USP42: variants seen among roughly 807,000 people sequenced by gnomAD.
USP42 encodes ubiquitin carboxyl-terminal hydrolase 42.
Under a neutral mutation model 113.0 loss-of-function variants are expected in USP42, and 23 were observed. That is an observed-to-expected ratio of 0.20 (90% CI 0.15 to 0.29). USP42 has a LOEUF of 0.29. USP42 is among the 10% of genes least tolerant of loss of function. The pLI is 1.00. For synonymous variants in USP42, 933 were observed against 699.0 expected, an observed-to-expected ratio of 1.33 and a Z score of -5.28; for missense variants, 2,174 against 1,779.8, an observed-to-expected ratio of 1.22 and a Z score of -3.99.
chr7:6,099,352 C>A, the USP42 span, among the ~76,000 whole-genome samples: 1 of 147,598 alleles, frequency 6.8e-6, no homozygotes, highest in African/African-American at 2.5e-5. Flanking sequence ...GTAGCTGGGA[C>A]TACAGGCACC....
chr7:6,087,517 T>G, the USP42 span, among the ~76,000 whole-genome samples: 1 of 150,128 alleles, frequency 6.7e-6, no homozygotes, highest in Non-Finnish European at 1.5e-5. Context: ...TAAAATTTTT[T>G]GTAGAGATGG....
Position 6,152,032 on chromosome 7 carries a change from T to TA in USP42, c.2201+1536dup, listed in dbSNP as rs542625271. Among the ~76,000 whole-genome samples, 28 of 150,604 alleles carry TA rather than the reference T, an allele frequency of 1.9e-4. No individual in the cohort carries two copies. In the East Asian group the frequency reaches 1.9e-3, roughly 10 times the overall value. On this transcript the variant is annotated intron_variant, in intron 14 of 17. Transcript: ENST00000306177. ...AGATAATAAAACCTGCCCCACAATT[T>TA]AAAAAAAAAATCATGTCATGTTAGT...
intron 3 of USP42, among the ~76,000 whole-genome samples, chr7:6,133,613 C>G (rs925549255): frequency 3.3e-5 from 5 of 151,938 alleles, no homozygotes; most frequent in Non-Finnish European, 5.9e-5. Flanking sequence ...CTGCTGGGCT[C>G]AGGTGGTCCT....
chr7:6,142,410 G>A (rs1418852679), intron 7 of USP42, among the ~76,000 whole-genome samples: 1 of 151,978 alleles, frequency 6.6e-6, no homozygotes, highest in Non-Finnish European at 1.5e-5. Flanking sequence ...TAGAGACGGG[G>A]TTTTACCATG....
intron 2 of USP42, among the ~76,000 whole-genome samples, chr7:6,111,576 A>G (rs1045950692): frequency 2.6e-5 from 4 of 151,478 alleles, no homozygotes; most frequent in African/African-American, 7.3e-5. Flanking sequence ...TTTAGTTGCT[A>G]GAATATTATT....
chr7:6,117,172 T>C (rs1304091126), intron 3 of USP42, among the ~76,000 whole-genome samples: 1 of 152,186 alleles, frequency 6.6e-6, no homozygotes, highest in African/African-American at 2.4e-5. Flanking sequence ...AGTTCCCCGA[T>C]GCCCCTTTGA....
rs149400162 is a variant in USP42, at chr7:6,131,860, A to C, written c.443-3981A>C. Among the ~76,000 whole-genome samples the C allele has an allele frequency of 6.5e-4, 99 of 152,286 alleles. 1 individual carries two copies. The East Asian group carries it at 0.017, about 26-fold the overall frequency. On this transcript the variant is annotated intron_variant, in intron 3 of 17. Coordinates refer to ENST00000306177, the MANE Select transcript of USP42 (RefSeq NM_032172.3). ...GCAGGAGGAATAGAAAACTACCTCT[A>C]TTCCGTCTCCCAGAAGTGCAAGTCT...
At chr7:6,099,831 T>G in the USP42 span, among the ~76,000 whole-genome samples, 1 of 150,598 alleles carries the variant, frequency 6.6e-6, no homozygotes, top group African/African-American at 2.5e-5. Flanking sequence ...GGCATTGTGG[T>G]GGGTGCCTAT....
Position 6,154,119 on chromosome 7 carries a change from G to A in USP42, c.2565G>A (p.Leu855=), listed in dbSNP as rs1782249584. The stretch of plus-strand genomic sequence containing the variant: ...CGTTGGCGGAAGCCCCGGAAGGGTT[G>A]AGTCCGGCTCCGCCTGCGCGGTCGG... ...DSALAEAPEG[L]SPAPPARSEE... is the part of the protein sequence containing the mutation. Residue 855 remains leucine, a synonymous_variant, in exon 15 of 18, where the codon TTG becomes TTA. Transcript: ENST00000306177. 6.2e-7 allele frequency: 1 copy of A among 1,602,768 alleles called. No individual in the cohort carries two copies. Among genetic ancestry groups the A allele is most frequent in the African/African-American group, 1.3e-5 (1 of 74,858 alleles).
chr7:6,124,227 T>A (rs940777969), intron 3 of USP42, among the ~76,000 whole-genome samples: 1 of 152,044 alleles, frequency 6.6e-6, no homozygotes, highest in South Asian at 2.1e-4. Flanking sequence ...TTTCCATCTT[T>A]TTATCTTTAA....
chr7:6,082,934 GATAC>G, the USP42 span, among the ~76,000 whole-genome samples: 10 of 144,208 alleles, frequency 6.9e-5, no homozygotes, highest in African/African-American at 2.6e-4. Context: ...AATATATATA[GATAC>G]ATATATATAT....
At chr7:6,105,733 G>C (rs1208592603) in intron 1 of USP42, among the ~76,000 whole-genome samples, 7 of 152,174 alleles carry the variant, frequency 4.6e-5, no homozygotes, top group Admixed American at 4.6e-4. Flanking sequence ...TATTTTCGGG[G>C]CAGGAAGAGC....
chr7:6,127,865 G>A (rs1780623616), intron 3 of USP42, among the ~76,000 whole-genome samples: 1 of 152,104 alleles, frequency 6.6e-6, no homozygotes, highest in Non-Finnish European at 1.5e-5. Context: ...TCTTTACTAT[G>A]TCCCTGAAGT....
In USP42 at chr7:6,150,119, C is replaced by A. The variant is rs61750868; in HGVS notation, c.1923C>A (p.Ala641=). The A allele has an allele frequency of 6.2e-7, 1 of 1,612,590 alleles. No individual in the cohort carries two copies. Among genetic ancestry groups the A allele is most frequent in the Admixed American group, 1.7e-5 (1 of 59,794 alleles). Residue 641 remains alanine, a synonymous_variant, in exon 13 of 18, where the codon GCC becomes GCA. Transcript: ENST00000306177. ...GCTCCCACTCTCCCGGCCAAGATGC[C>A]GAAGATGAGGAGGCCACTCCGCACG... The part of the protein sequence containing the change: ...IVSSHSPGQD[A]EDEEATPHEL...
intron 3 of USP42, among the ~76,000 whole-genome samples, chr7:6,122,308 G>C (rs1362598298): frequency 6.8e-6 from 1 of 147,984 alleles, no homozygotes; most frequent in Non-Finnish European, 1.5e-5. Context: ...TAAAGACAGG[G>C]TCTCACTCAC....
chr7:6,129,559 G>GAA (rs34404773), intron 3 of USP42, among the ~76,000 whole-genome samples: 7 of 103,310 alleles, frequency 6.8e-5, no homozygotes, highest in South Asian at 3.1e-4. Context: ...TCTGCCTCAG[G>GAA]AAAAAAAAAA....
the USP42 span, among the ~76,000 whole-genome samples, chr7:6,089,354 TG>T: frequency 6.6e-6 from 1 of 150,468 alleles, no homozygotes; most frequent in Non-Finnish European, 1.5e-5. Flanking sequence ...TTGAGCTCTT[TG>T]GTGTCCTGAG....
rs371199143 is a variant in USP42 at position 6,156,881 on chromosome 7, C to A, written c.3769C>A (p.His1257Asn). The A allele has an allele frequency of 2.7e-5, 44 of 1,613,198 alleles. No homozygotes were observed. The highest frequency in any genetic ancestry group is 3.6e-5 in the Non-Finnish European group (43 of 1,179,734). ...SEDFVKDSEL[H>N]LPRVTSLETV... The stretch of plus-strand genomic sequence containing the variant: ...GGACTTTGTTAAAGATTCAGAACTG[C>A]ACTTACCCAGGGTCACCAGCTTGGA... Residue 1257 changes from histidine (H) to asparagine (N), a missense_variant, in exon 16 of 18, where the codon CAC becomes AAC. Coordinates refer to ENST00000306177, the MANE Select transcript of USP42 (RefSeq NM_032172.3).
At position 6,135,889 on chromosome 7, in the gene USP42, C is replaced by T; in HGVS notation, c.491C>T (p.Thr164Ile). 1 of 1,610,652 alleles carries T rather than the reference C, an allele frequency of 6.2e-7. No individual in the cohort carries two copies. The highest frequency in any genetic ancestry group is 8.5e-7 in the Non-Finnish European group (1 of 1,178,604). ...ATGTGTACAATGCAAGCACATATTACCCAGGCACTCAGTAATCCTGGGGAC... is the reference window on the plus strand; with the variant it reads ...ATGTGTACAATGCAAGCACATATTATCCAGGCACTCAGTAATCCTGGGGAC... The part of the protein sequence containing the change: ...CMMCTMQAHI[T>I]QALSNPGDVI... Residue 164 changes from threonine (T) to isoleucine (I), a missense_variant, in exon 4 of 18, where the codon ACC becomes ATC. Thr to Ile is a moderately conservative substitution (Grantham distance 89). Coordinates refer to ENST00000306177, the MANE Select transcript of USP42 (RefSeq NM_032172.3).
Sources: allele counts gnomAD v4.1 joint callset (sites outside exome capture counted in the v4.1 genomes callset), GRCh38; gene constraint gnomAD v4.1.1; transcripts MANE v1.5; gene names NCBI Gene and HGNC (gene_info 2026-07-23, HGNC 2026-07-21).